Variants in PBX1 observed in about 807,000 individuals in gnomAD.
PBX1 encodes the protein PBX homeobox 1.
PBX1 carries 6 observed loss-of-function variants against 53.4 expected under a neutral mutation model. The ratio of observed to expected loss-of-function variants is 0.11; its 90% CI spans 0.06 to 0.22. PBX1 has a LOEUF of 0.22. Ranked by LOEUF, PBX1 falls within the 10% of genes least tolerant of loss-of-function variation. PBX1 has a pLI of 1.00. For synonymous variants in PBX1, 204 were observed against 212.3 expected (o/e 0.96, Z 0.34); for missense variants, 251 against 551.4 (o/e 0.46, Z 5.46).
At chr1:164,563,560 G>C (rs1653214722) in intron 2 of PBX1, among the ~76,000 whole-genome samples, 1 of 152,140 alleles carries the variant, frequency 6.6e-6, no homozygotes, top group East Asian at 1.9e-4. Context: ...TGAGATTGGG[G>C]CTAAAATATA....
At chr1:164,794,401 G>A (rs930189664) in intron 3 of PBX1, among the ~76,000 whole-genome samples, 3 of 152,066 alleles carry the variant, frequency 2.0e-5, no homozygotes, top group African/African-American at 7.2e-5. Context: ...TCTTTTATGA[G>A]GGCAGAAAAA....
intron 2 of PBX1, among the ~76,000 whole-genome samples, chr1:164,578,310 G>A (rs1654395383): frequency 6.6e-6 from 1 of 152,138 alleles, no homozygotes; most frequent in African/African-American, 2.4e-5. Flanking sequence ...CTATGTTCTG[G>A]AGATGTTGGT....
rs1672500683 is a variant in PBX1 at position 164,876,007 on chromosome 1, C to CTATATATATATATATATATAT, written n.258-23181_258-23180insTATATATATATATATATATAT. On this transcript the variant is annotated intron_variant and non_coding_transcript_variant, in intron 2 of 2. Coordinates refer to the PBX1 transcript ENST00000558796. ...GTATGTGTATATATATATATATATACACACATACACCAAATGGTTTTTTAT... is the reference window on the plus strand; with the variant it reads ...GTATGTGTATATATATATATATATACTATATATATATATATATATATACACATACACCAAATGGTTTTTTAT... Among the ~76,000 whole-genome samples, 2 of 113,688 alleles carry CTATATATATATATATATATAT rather than the reference C, an allele frequency of 1.8e-5. 1 individual carries two copies. Among genetic ancestry groups the CTATATATATATATATATATAT allele is most frequent in the South Asian group, 6.8e-4 (2 of 2,954 alleles). The allele number at this position is 113,688 out of a possible 152,430, so 74.6% of individuals were successfully genotyped here.
chr1:164,628,911 T>G (rs571921097), intron 2 of PBX1, among the ~76,000 whole-genome samples: 1 of 152,196 alleles, frequency 6.6e-6, no homozygotes, highest in Non-Finnish European at 1.5e-5. Flanking sequence ...ATTGTCTTTT[T>G]CTTTTTAAGT....
chr1:164,699,803 A>G (rs1016705536), intron 2 of PBX1, among the ~76,000 whole-genome samples: 9 of 152,156 alleles, frequency 5.9e-5, no homozygotes, highest in Non-Finnish European at 5.9e-5. Context: ...ATAATATAAA[A>G]AAGCCCAGCA....
intron 5 of PBX1, among the ~76,000 whole-genome samples, chr1:164,811,513 A>C (rs931143264): frequency 6.6e-6 from 1 of 152,200 alleles, no homozygotes; most frequent in Non-Finnish European, 1.5e-5. Flanking sequence ...GTCCACATTA[A>C]AGTTATGTAA....
At chr1:164,691,340 C>T (rs2102023852) in intron 2 of PBX1, among the ~76,000 whole-genome samples, 1 of 152,240 alleles carries the variant, frequency 6.6e-6, no homozygotes, top group East Asian at 1.9e-4. Flanking sequence ...GAAAAGTTGT[C>T]TAGCATAGTT....
chr1:164,869,420 G>A (rs1176853438), intron 2 of PBX1, among the ~76,000 whole-genome samples: 3 of 152,206 alleles, frequency 2.0e-5, no homozygotes, highest in African/African-American at 7.2e-5. Flanking sequence ...TTCTAGAAGA[G>A]ATGTGAGGAC....
At chr1:164,803,255 C>T (rs1669175737) in intron 4 of PBX1, among the ~76,000 whole-genome samples, 1 of 152,320 alleles carries the variant, frequency 6.6e-6, no homozygotes, top group East Asian at 1.9e-4. Context: ...AATACTGTTA[C>T]AACTACACAG....
intron 2 of PBX1, among the ~76,000 whole-genome samples, chr1:164,870,552 C>T (rs976420308): frequency 2.0e-5 from 3 of 151,880 alleles, no homozygotes; most frequent in Non-Finnish European, 2.9e-5. Flanking sequence ...CCATGTTGCC[C>T]AGGCTGGTCT....
Position 164,850,239 on chromosome 1 carries a change from C to T in PBX1, c.*3563C>T. ...CCCTCATTTTTCTTTTATTTTCTTG[C>T]ATTTGTGAATTAGTTCAAGAATGCT... On this transcript the variant is annotated 3_prime_UTR_variant, in exon 9 of 9. Coordinates refer to ENST00000420696, the MANE Select transcript of PBX1 (RefSeq NM_002585.4). 1 of 221,854 alleles carries T rather than the reference C, an allele frequency of 4.5e-6. No individual in the cohort carries two copies. The highest frequency in any genetic ancestry group is 6.6e-5 in the East Asian group (1 of 15,246). 13.7% of individuals were successfully genotyped at this position (221,854 alleles called of 1,614,324 possible). A position where few individuals can be genotyped will look rare whatever the true frequency, so the allele number is the denominator to read the frequency against.
chr1:164,690,088 T>A (rs1456728472), intron 2 of PBX1, among the ~76,000 whole-genome samples: 1 of 152,216 alleles, frequency 6.6e-6, no homozygotes, highest in African/African-American at 2.4e-5. Flanking sequence ...TCAATTAGAA[T>A]GAAACTAGCA....
chr1:164,807,357 C>A (rs1467012770), intron 4 of PBX1, among the ~76,000 whole-genome samples, 185 bp from the exon 5 acceptor site: 2 of 152,212 alleles, frequency 1.3e-5, no homozygotes, highest in African/African-American at 4.8e-5. Context: ...CCAGATGGTA[C>A]ACAATGAAGT....
rs184221009 is a variant in PBX1, at chr1:164,812,915, G to A, written c.997+766G>A. The stretch of plus-strand genomic sequence containing the variant: ...GTTTGTATGCTATGGAAGGCATGTG[G>A]TAATTTTTTTTTCCCTTTGGTAAAG... On this transcript the variant is annotated intron_variant, in intron 6 of 8. Coordinates refer to ENST00000420696, the MANE Select transcript of PBX1 (RefSeq NM_002585.4). The A allele has an allele frequency of 3.4e-4, 51 of 152,168 alleles. No homozygotes were observed. In the East Asian group the frequency reaches 9.5e-3, roughly 28 times the overall value. 9.4% of individuals were successfully genotyped at this position (152,168 alleles called of 1,614,324 possible).
chr1:164,568,616 G>A (rs1270970533), intron 2 of PBX1, among the ~76,000 whole-genome samples: 1 of 152,136 alleles, frequency 6.6e-6, no homozygotes, highest in Non-Finnish European at 1.5e-5. Flanking sequence ...AATAATTAAG[G>A]CACTGTATTT....
chr1:164,602,320 G>C (rs1003450963), intron 2 of PBX1, among the ~76,000 whole-genome samples: 1 of 152,116 alleles, frequency 6.6e-6, no homozygotes, highest in East Asian at 1.9e-4. Context: ...CTCACACCCC[G>C]CTCGGTTTCA....
intron 2 of PBX1, among the ~76,000 whole-genome samples, chr1:164,737,019 C>G (rs556734284): frequency 6.6e-6 from 1 of 152,274 alleles, no homozygotes; most frequent in South Asian, 2.1e-4. Flanking sequence ...GATTCAGTGC[C>G]GTTGACAGAG....
chr1:164,805,302 G>A (rs1669293438), intron 4 of PBX1, among the ~76,000 whole-genome samples: 1 of 152,122 alleles, frequency 6.6e-6, no homozygotes, highest in Non-Finnish European at 1.5e-5. Flanking sequence ...CAACCTTATT[G>A]TAGAAAGGTG....
rs185455572 is a variant in PBX1 at position 164,605,063 on chromosome 1, A to G, written c.265+41752A>G. On this transcript the variant is annotated intron_variant, in intron 2 of 8. Transcript: ENST00000420696. Reference sequence around the variant, plus strand: ...AACCTGTGTTCTTGTGGGGCAGTCAAAGAAATAGGCCTAGTCCAGGGTATT... The same window carrying G: ...AACCTGTGTTCTTGTGGGGCAGTCAGAGAAATAGGCCTAGTCCAGGGTATT... 5 of 152,288 alleles carry G rather than the reference A, an allele frequency of 3.3e-5. No homozygotes were observed. In the East Asian group the frequency reaches 5.8e-4, roughly 18 times the overall value. The allele number at this position is 152,288 out of a possible 1,614,324, so 9.4% of individuals were successfully genotyped here.
Sources: gnomAD v4.1 joint callset for allele counts (sites outside exome capture counted in the v4.1 genomes callset) on GRCh38, gnomAD v4.1.1 for gene constraint, MANE v1.5 for transcripts, NCBI Gene and HGNC (gene_info 2026-07-23, HGNC 2026-07-21) for gene names.